The following HMGB1 variants were observed in gnomAD, a reference collection of about 807,000 sequenced individuals.
The protein encoded by HMGB1 is high mobility group box 1, also known as high mobility group protein B1.
For missense variants in HMGB1, 79 were observed against 253.5 expected, an observed-to-expected ratio of 0.31 and a Z score of 4.67; for synonymous variants, 81 against 84.0, an observed-to-expected ratio of 0.96 and a Z score of 0.19.
intron 1 of HMGB1, among the ~76,000 whole-genome samples, chr13:30,538,693 C>CTTTA (rs139765346): frequency 0.84 from 93,402 of 111,752 alleles, 39,570 homozygotes; most frequent in East Asian, 0.9. Context: ...TCCTTTCTTT[C>CTTTA]TTTCTTTCTT....
intron 1 of HMGB1, chr13:30,464,495 C>T (rs1886586053): frequency 2.0e-6 from 2 of 984,914 alleles, no homozygotes; most frequent in Non-Finnish European, 2.4e-6. Flanking sequence ...AGAACTTCGC[C>T]GGTGGCCGCG....
chr13:30,522,403 C>T (rs1888259856), intron 1 of HMGB1, among the ~76,000 whole-genome samples: 1 of 152,160 alleles, frequency 6.6e-6, no homozygotes, highest in Non-Finnish European at 1.5e-5. Context: ...TGTGCCTGGA[C>T]ATAATCTCGC....
intron 4 of HMGB1, 111 bp from the exon 5 acceptor site, chr13:30,461,644 T>C (rs1415016520): frequency 1.3e-6 from 2 of 1,589,234 alleles, no homozygotes; most frequent in Non-Finnish European, 8.6e-7. Context: ...TATACCAAAA[T>C]ATCACGTATC....
intron 1 of HMGB1, among the ~76,000 whole-genome samples, chr13:30,594,862 G>A (rs906782653): frequency 6.6e-6 from 1 of 152,152 alleles, no homozygotes; most frequent in South Asian, 2.1e-4. Context: ...CCACGGCCTC[G>A]CCAACATACG....
chr13:30,606,607 C>T lies in HMGB1; in HGVS notation c.-15+10064G>A, dbSNP rs11843828. On this transcript the variant is annotated intron_variant, in intron 1 of 4. Transcript: ENST00000405805. ...ATGCCTACATGACTGGAAATTATGA[C>T]ATCCAAATGAGTTCACTGGGTCTGA... 9.2e-3 allele frequency among the ~76,000 whole-genome samples: 1,402 copies of T among 152,326 alleles called. 25 individuals are homozygous for T. Among genetic ancestry groups the T allele is most frequent in the African/African-American group, 0.032 (1,322 of 41,566 alleles).
intron 1 of HMGB1, among the ~76,000 whole-genome samples, chr13:30,508,772 G>C (rs1167431507): frequency 1.3e-5 from 2 of 152,090 alleles, no homozygotes; most frequent in Non-Finnish European, 2.9e-5. Flanking sequence ...TCAAGGGTCA[G>C]ACTATGTGCA....
At chr13:30,558,563 C>T (rs374860286) in intron 1 of HMGB1, among the ~76,000 whole-genome samples, 55 of 152,142 alleles carry the variant, frequency 3.6e-4, no homozygotes, top group East Asian at 1.2e-3. Flanking sequence ...GAGAAATAGG[C>T]ATTAAAATGT....
At chr13:30,508,906 T>C (rs1048860363) in intron 1 of HMGB1, among the ~76,000 whole-genome samples, 2 of 152,222 alleles carry the variant, frequency 1.3e-5, no homozygotes, top group East Asian at 3.8e-4. Flanking sequence ...ACACCTTTCA[T>C]ATCTAAAATA....
chr13:30,604,877 C>G (rs1202338951), intron 1 of HMGB1, among the ~76,000 whole-genome samples: 1 of 152,132 alleles, frequency 6.6e-6, no homozygotes, highest in Non-Finnish European at 1.5e-5. Context: ...CCAGGATGGT[C>G]TCCATCTCCT....
At chr13:30,463,847 G>C in intron 1 of HMGB1, 153 bp from the exon 2 acceptor site, 1 of 588,982 alleles carries the variant, frequency 1.7e-6, no homozygotes, top group Non-Finnish European at 2.9e-6. Flanking sequence ...ATGGCCGAGA[G>C]ATTAAATTCC....
chr13:30,569,390 A>G (rs186397571), intron 1 of HMGB1, among the ~76,000 whole-genome samples: 19 of 152,350 alleles, frequency 1.2e-4, no homozygotes, highest in Non-Finnish European at 1.9e-4. Context: ...TTGTGGGCTA[A>G]GACATTATCC....
chr13:30,469,028 G>C (rs1032586876), upstream of HMGB1, among the ~76,000 whole-genome samples: 5 of 151,808 alleles, frequency 3.3e-5, no homozygotes, highest in African/African-American at 1.2e-4. Flanking sequence ...CGAGTAGCTG[G>C]GACTACAGGC....
chr13:30,464,121 G>T (rs1886546058), intron 1 of HMGB1: 1 of 975,956 alleles, frequency 1.0e-6, no homozygotes, highest in East Asian at 1.2e-4. Flanking sequence ...TAAGCGAGTC[G>T]ACTCTTCCTA....
chr13:30,476,372 C>A (rs1482295482), intron 1 of HMGB1, among the ~76,000 whole-genome samples: 2 of 151,838 alleles, frequency 1.3e-5, no homozygotes, highest in Non-Finnish European at 2.9e-5. Flanking sequence ...CTCCTGACCT[C>A]AAGTGTTCTG....
chr13:30,612,178 T>C (rs1439846503), intron 1 of HMGB1, among the ~76,000 whole-genome samples: 1 of 152,152 alleles, frequency 6.6e-6, no homozygotes, highest in African/African-American at 2.4e-5. Flanking sequence ...TACACACACA[T>C]ACATGTATAT....
chr13:30,542,787 T>C (rs1243561294), intron 1 of HMGB1: 1 of 191,462 alleles, frequency 5.2e-6, no homozygotes, highest in Non-Finnish European at 1.1e-5. Context: ...CGTTGGACCT[T>C]GGACCTTCAC....
chr13:30,589,459 A>G (rs544833512), intron 1 of HMGB1, among the ~76,000 whole-genome samples: 4 of 152,228 alleles, frequency 2.6e-5, no homozygotes, highest in Non-Finnish European at 5.9e-5. Context: ...AGTGAAGTAG[A>G]TGGGTTGAAG....
At chr13:30,466,382 C>T (rs779085173), upstream of HMGB1, among the ~76,000 whole-genome samples, 7 of 148,942 alleles carry the variant, frequency 4.7e-5, no homozygotes, top group Non-Finnish European at 7.4e-5. Flanking sequence ...AAAGTGAGGG[C>T]GACACTATGG....
intron 1 of HMGB1, among the ~76,000 whole-genome samples, chr13:30,571,016 G>C (rs905268110): frequency 1.3e-5 from 2 of 152,104 alleles, no homozygotes; most frequent in Admixed American, 6.6e-5. Flanking sequence ...AAATAGTCAT[G>C]TTCAAAAGTC....
Sources: gnomAD v4.1 joint callset for allele counts (sites outside exome capture counted in the v4.1 genomes callset) on GRCh38, gnomAD v4.1.1 for gene constraint, MANE v1.5 for transcripts, NCBI Gene and HGNC (gene_info 2026-07-23, HGNC 2026-07-21) for gene names.